TMEM222: variants seen among roughly 807,000 people sequenced by gnomAD.
TMEM222 encodes the protein chromosome 1 open reading frame 160.
A neutral mutation model predicts 25.1 loss-of-function variants in TMEM222; 18 were observed. The observed-to-expected ratio is 0.72, with a 90% CI of 0.50 to 1.06. TMEM222 has a LOEUF of 1.06. Ranked by LOEUF, TMEM222 falls within the 50% of genes least tolerant of loss-of-function variation. TMEM222 has a pLI of 0.00. For synonymous variants in TMEM222, 131 were observed against 117.9 expected, an observed-to-expected ratio of 1.11 and a Z score of -0.72; for missense variants, 296 against 293.7, an observed-to-expected ratio of 1.01 and a Z score of -0.06.
chr1:27,327,491 T>A (rs2014379969), intron 1 of TMEM222, among the ~76,000 whole-genome samples: 1 of 152,208 alleles, frequency 6.6e-6, no homozygotes, highest in South Asian at 2.1e-4. Flanking sequence ...GGGGTTCAAG[T>A]GATTCTCGTG....
At chr1:27,333,750 T>G in intron 3 of TMEM222, 1 of 584,256 alleles carries the variant, frequency 1.7e-6, no homozygotes. Context: ...CCCAATTTCA[T>G]TCCATATCCC....
At chr1:27,334,724 C>T (rs1204167524) in intron 5 of TMEM222, 1 of 1,307,086 alleles carries the variant, frequency 7.7e-7, no homozygotes, top group South Asian at 1.4e-5. Context: ...AGCATGGACA[C>T]AGCAGAGCCC....
chr1:27,325,757 C>A lies in TMEM222; in HGVS notation c.194+3366C>A, dbSNP rs1308622651. On this transcript the variant is annotated intron_variant, in intron 1 of 5. Transcript: ENST00000374076. The stretch of plus-strand genomic sequence containing the variant: ...TGTGGATTAGCAAGCAGGAGTATGA[C>A]GAGTCAGGCCCCTGTATCGTCCACC... 4 of 855,460 alleles carry A rather than the reference C, an allele frequency of 4.7e-6. No homozygotes were observed. The Admixed American group carries it at 5.1e-5, about 11-fold the overall frequency. 53.0% of individuals were successfully genotyped at this position (855,460 alleles called of 1,614,324 possible). A position where few individuals can be genotyped will look rare whatever the true frequency, so the allele number is the denominator to read the frequency against.
intron 5 of TMEM222, 41 bp from the exon 6 acceptor site, chr1:27,335,338 C>G: frequency 6.3e-7 from 1 of 1,599,998 alleles, no homozygotes; most frequent in Non-Finnish European, 8.6e-7. Flanking sequence ...GCCTGCTCAC[C>G]AGGCCCTGCC....
Position 27,335,721 on chromosome 1 carries a change from C to T in TMEM222, c.*255C>T, listed in dbSNP as rs2014590092. ...CGGCCCTGGAAGCCCCTTTGTTCTT[C>T]TGTTGAAAGGCTTTGGCTTCCCGCT... On this transcript the variant is annotated 3_prime_UTR_variant, in exon 6 of 6. Transcript: ENST00000374076. The T allele has an allele frequency of 9.2e-6, 5 of 545,180 alleles. No homozygotes were observed. The highest frequency in any genetic ancestry group is 2.1e-5 in the South Asian group (1 of 47,498). The allele number at this position is 545,180 out of a possible 1,614,324, so 33.8% of individuals were successfully genotyped here. A position where few individuals can be genotyped will look rare whatever the true frequency, so the allele number is the denominator to read the frequency against.
intron 5 of TMEM222, 27 bp from the exon 6 acceptor site, chr1:27,335,352 C>T (rs377378539): frequency 3.1e-6 from 5 of 1,612,148 alleles, no homozygotes; most frequent in Non-Finnish European, 2.5e-6. Context: ...CCCTGCCCAC[C>T]TATGCTCGCT....
intron 1 of TMEM222, among the ~76,000 whole-genome samples, chr1:27,324,100 C>T (rs146346528): frequency 0.023 from 3,568 of 152,216 alleles, 63 homozygotes; most frequent in Non-Finnish European, 0.034. Flanking sequence ...CCCAGGCGGG[C>T]GAATCACCTG....
Position 27,333,635 on chromosome 1 carries a change from A to G in TMEM222, c.312-323A>G, listed in dbSNP as rs192337631. Reference sequence around the variant, plus strand: ...CCCATTCATGAGAGCTAATCACCCCATGGCCTAATCACCTCCCAAAGGCCC... The same window carrying G: ...CCCATTCATGAGAGCTAATCACCCCGTGGCCTAATCACCTCCCAAAGGCCC... On this transcript the variant is annotated intron_variant, in intron 3 of 5. Coordinates refer to ENST00000374076, the MANE Select transcript of TMEM222 (RefSeq NM_032125.3). 1.5e-5 allele frequency: 6 copies of G among 407,368 alleles called. No individual in the cohort carries two copies. In the East Asian group the frequency reaches 2.9e-4, roughly 20 times the overall value. 25.2% of individuals were successfully genotyped at this position (407,368 alleles called of 1,614,324 possible).
Position 27,336,065 on chromosome 1 carries a change from C to T in TMEM222, c.*599C>T, listed in dbSNP as rs1186141465. 6.4e-6 allele frequency: 1 copy of T among 156,096 alleles called. No individual in the cohort carries two copies. The highest frequency in any genetic ancestry group is 6.2e-5 in the Admixed American group (1 of 16,114). 9.7% of individuals were successfully genotyped at this position (156,096 alleles called of 1,614,324 possible). On this transcript the variant is annotated 3_prime_UTR_variant, in exon 6 of 6. Transcript: ENST00000374076. ...TCCGCTCTTCACTGTTCCACGGCCT[C>T]CCAGTGCCTCCCAGCATTGGACCCA...
Position 27,335,630 on chromosome 1 carries a change from G to C in TMEM222, c.*164G>C. On this transcript the variant is annotated 3_prime_UTR_variant, in exon 6 of 6. Transcript: ENST00000374076. The stretch of plus-strand genomic sequence containing the variant: ...TGGAAGGACTGAGGACCAGCATGAA[G>C]TGGGGGTTTGTTGTCTCCCTGCCTC... 1 of 663,902 alleles carries C rather than the reference G, an allele frequency of 1.5e-6. No homozygotes were observed. The highest frequency in any genetic ancestry group is 2.7e-5 in the East Asian group (1 of 36,610). The allele number at this position is 663,902 out of a possible 1,614,324, so 41.1% of individuals were successfully genotyped here.
chr1:27,331,960 C>G (rs951460087), intron 2 of TMEM222, 110 bp from the exon 3 acceptor site: 6 of 1,158,938 alleles, frequency 5.2e-6, no homozygotes, highest in African/African-American at 3.0e-5. Flanking sequence ...CTGGCCCCCC[C>G]ACCCCTGACA....
chr1:27,332,088 G>A lies in TMEM222; in HGVS notation c.298G>A (p.Gly100Arg). ...YFVSEDNMAF[G>R]KPAKYWKLDP... The stretch of plus-strand genomic sequence containing the variant: ...TCAACAGGAGGACAACATGGCCTTT[G>A]GAAAGCCTGCCAAGTAAGTGATGAA... Residue 100 changes from glycine (G) to arginine (R), a missense_variant, in exon 3 of 6, where the codon GGA becomes AGA. By Grantham distance (125) the Gly-to-Arg change is moderately radical. Transcript: ENST00000374076. The A allele has an allele frequency of 6.2e-7, 1 of 1,614,250 alleles. No homozygotes were observed. Among genetic ancestry groups the A allele is most frequent in the Non-Finnish European group, 8.5e-7 (1 of 1,180,042 alleles).
In TMEM222 at chr1:27,332,119, A is replaced by G. The variant is rs376484598; in HGVS notation, c.311+18A>G. ...CCTGCCAAGTAAGTGATGAACACCCATGTGACTGGCTCTAGAGGCAGGTCG... is the reference window on the plus strand; with the variant it reads ...CCTGCCAAGTAAGTGATGAACACCCGTGTGACTGGCTCTAGAGGCAGGTCG... On this transcript the variant is annotated intron_variant, in intron 3 of 5. Coordinates refer to ENST00000374076, the MANE Select transcript of TMEM222 (RefSeq NM_032125.3). 158 of 1,614,120 alleles carry G rather than the reference A, an allele frequency of 9.8e-5. No individual in the cohort carries two copies. Among genetic ancestry groups the G allele is most frequent in the Non-Finnish European group, 1.3e-4 (150 of 1,180,028 alleles).
At chr1:27,325,356 A>G (rs972260839) in intron 1 of TMEM222, 6 of 852,092 alleles carry the variant, frequency 7.0e-6, no homozygotes, top group Non-Finnish European at 1.2e-5. Context: ...GGAGATGGCC[A>G]CTACCACATC....
At chr1:27,332,713 CGAG>C in intron 3 of TMEM222, 1 of 589,500 alleles carries the variant, frequency 1.7e-6, no homozygotes, top group Non-Finnish European at 3.0e-6. Context: ...GAGACTGGGC[CGAG>C]GAGGAGTTGG....
chr1:27,334,034 G>A lies in TMEM222; in HGVS notation c.388G>A (p.Glu130Lys), dbSNP rs756002066. The change falls in exon 4 of 6, where the codon GAG becomes AAG. Residue 130 changes from glutamate (E) to lysine (K), a missense_variant. Transcript: ENST00000374076. ...AWDTAVHDAS[E>K]EYKHRMHNLC... Reference sequence around the variant, plus strand: ...GGACACGGCTGTGCACGACGCCTCTGAGGAGTACAAGCACCGCATGGTAGG... The same window carrying A: ...GGACACGGCTGTGCACGACGCCTCTAAGGAGTACAAGCACCGCATGGTAGG... 1 of 1,614,172 alleles carries A rather than the reference G, an allele frequency of 6.2e-7. No individual in the cohort carries two copies. Among genetic ancestry groups the A allele is most frequent in the Non-Finnish European group, 8.5e-7 (1 of 1,180,014 alleles).
At chr1:27,322,524 C>G in intron 1 of TMEM222, 133 bp downstream of exon 1, 1 of 834,182 alleles carries the variant, frequency 1.2e-6, no homozygotes, top group South Asian at 3.8e-5. Flanking sequence ...CGCCCAGTCA[C>G]CAGAACCCCG....
chr1:27,328,753 C>T lies in TMEM222; in HGVS notation c.195-1967C>T, dbSNP rs549626762. Among the ~76,000 whole-genome samples the T allele has an allele frequency of 8.5e-5, 13 of 152,306 alleles. 1 individual carries two copies. In the South Asian group the frequency reaches 1.7e-3, roughly 19 times the overall value. Reference sequence around the variant, plus strand: ...GTTGATGTTGTGTCCTTTCACAGGTCAAGGTTAAAAGTCACCTCCTCTGTG... The same window carrying T: ...GTTGATGTTGTGTCCTTTCACAGGTTAAGGTTAAAAGTCACCTCCTCTGTG... On this transcript the variant is annotated intron_variant, in intron 1 of 5. Coordinates refer to ENST00000374076, the MANE Select transcript of TMEM222 (RefSeq NM_032125.3).
rs1185012896 is a variant in TMEM222, at chr1:27,322,232, T to G, written c.35T>G (p.Leu12Trp). ...AEAEGSSLLL[L>W]PPPPPPPRMA... ...GCGGAAGGGAGTTCTCTGCTCTTGT[T>G]GCCGCCGCCGCCACCCCCGCCCAGG... The change falls in exon 1 of 6, where the codon TTG (leucine) becomes TGG (tryptophan). Residue 12 changes from leucine (L) to tryptophan (W), a missense_variant. By Grantham distance (61) the Leu-to-Trp change is moderately conservative. Coordinates refer to ENST00000374076, the MANE Select transcript of TMEM222 (RefSeq NM_032125.3). The G allele has an allele frequency of 6.2e-6, 9 of 1,457,502 alleles. No homozygotes were observed. The highest frequency in any genetic ancestry group is 8.2e-6 in the Non-Finnish European group (9 of 1,098,934). 90.3% of individuals were successfully genotyped at this position (1,457,502 alleles called of 1,614,324 possible).
Sources: allele counts gnomAD v4.1 joint callset (sites outside exome capture counted in the v4.1 genomes callset), GRCh38; gene constraint gnomAD v4.1.1; transcripts MANE v1.5; gene names NCBI Gene and HGNC (gene_info 2026-07-23, HGNC 2026-07-21).